RABGAP1L: variants seen among roughly 807,000 people sequenced by gnomAD.
The protein encoded by RABGAP1L is rab GTPase-activating protein 1-like.
A neutral mutation model predicts 137.7 loss-of-function variants in RABGAP1L; 63 were observed. That is an observed-to-expected ratio of 0.46 (90% CI 0.37 to 0.56). The LOEUF (loss-of-function observed/expected upper bound fraction) is 0.56, where lower values mean the gene tolerates loss of function less well. Among genes scored for constraint, RABGAP1L ranks in the 20% least tolerant of loss-of-function variants. The pLI, the probability that RABGAP1L is intolerant of heterozygous loss-of-function variation, is 0.00. For missense variants in RABGAP1L, 1,095 were observed against 1,244.0 expected, an observed-to-expected ratio of 0.88 and a Z score of 1.80; for synonymous variants, 431 against 433.7, an observed-to-expected ratio of 0.99 and a Z score of 0.08.
intron 1 of RABGAP1L, among the ~76,000 whole-genome samples, chr1:174,215,412 G>A (rs1438026943): frequency 1.3e-5 from 2 of 150,760 alleles, no homozygotes; most frequent in Non-Finnish European, 2.9e-5. Flanking sequence ...AGCCAATGTT[G>A]CGCCATTATA....
In RABGAP1L at chr1:174,357,787, C is replaced by G. The variant is rs555104025; in HGVS notation, c.1466-13192C>G. 5.3e-5 allele frequency among the ~76,000 whole-genome samples: 8 copies of G among 152,320 alleles called. 1 individual carries two copies. In the South Asian group the frequency reaches 1.7e-3, roughly 32 times the overall value. On this transcript the variant is annotated intron_variant, in intron 11 of 25. Transcript: ENST00000681986. ...GTAAAGAAAAGTATACATTTAATGT[C>G]TCCACTTTCCTCTCATGTATTCCTC...
At chr1:174,701,105 T>G (rs1679612152) in intron 16 of RABGAP1L, 5 of 1,304,702 alleles carry the variant, frequency 3.8e-6, no homozygotes, top group Non-Finnish European at 5.1e-6. Flanking sequence ...GTGGTCTATT[T>G]AGGAAAACAA....
At chr1:174,267,700 TAA>T (rs971789297) in intron 7 of RABGAP1L, among the ~76,000 whole-genome samples, 12 of 152,252 alleles carry the variant, frequency 7.9e-5, no homozygotes, top group Non-Finnish European at 1.6e-4. Context: ...ATATTCTTGA[TAA>T]GTTTTTTTAA....
intron 17 of RABGAP1L, among the ~76,000 whole-genome samples, chr1:174,720,388 C>T (rs1285536269): frequency 6.6e-6 from 1 of 151,716 alleles, no homozygotes; most frequent in Non-Finnish European, 1.5e-5. Flanking sequence ...ACTGCAACCT[C>T]TGCCTACCTC....
intron 18 of RABGAP1L, among the ~76,000 whole-genome samples, chr1:174,781,375 G>A (rs1312687924): frequency 2.6e-5 from 4 of 152,306 alleles, no homozygotes; most frequent in African/African-American, 9.6e-5. Flanking sequence ...CTTCTTTTGA[G>A]AAGTGTCTCT....
chr1:174,773,023 C>T (rs115456057), intron 18 of RABGAP1L, among the ~76,000 whole-genome samples: 1,639 of 152,164 alleles, frequency 0.011, 33 homozygotes, highest in African/African-American at 0.038. Context: ...TCAATATGCT[C>T]ATTTTACAGA....
chr1:174,835,003 G>A (rs1391573763), intron 19 of RABGAP1L, among the ~76,000 whole-genome samples: 1 of 152,178 alleles, frequency 6.6e-6, no homozygotes, highest in African/African-American at 2.4e-5. Context: ...AACTGTAGCA[G>A]TATTCCAGGT....
At chr1:174,848,927 G>A (rs1247575034) in intron 19 of RABGAP1L, among the ~76,000 whole-genome samples, 4 of 150,802 alleles carry the variant, frequency 2.7e-5, no homozygotes, top group Non-Finnish European at 4.5e-5. Flanking sequence ...ATATAGTCTC[G>A]TGGTGCGCCG....
intron 1 of RABGAP1L, 88 bp from the exon 2 acceptor site, chr1:174,219,037 A>G (rs1371902584): frequency 9.5e-7 from 1 of 1,053,508 alleles, no homozygotes. Flanking sequence ...CACATAAACC[A>G]TTTTTAAAGC....
chr1:174,731,380 A>AT, intron 17 of RABGAP1L, among the ~76,000 whole-genome samples: 1 of 152,336 alleles, frequency 6.6e-6, no homozygotes, highest in East Asian at 1.9e-4. Flanking sequence ...TTGCACTATC[A>AT]TCCTGTCTGG....
At chr1:174,240,938 TTGTGTGTG>T (rs71958106) in intron 4 of RABGAP1L, among the ~76,000 whole-genome samples, 5 of 150,566 alleles carry the variant, frequency 3.3e-5, no homozygotes, top group East Asian at 1.9e-4. Context: ...ATGTGTGTGT[TTGTGTGTG>T]TGTGTGTGTG....
At chr1:174,859,754 G>C (rs1377584142) in intron 19 of RABGAP1L, among the ~76,000 whole-genome samples, 3 of 151,800 alleles carry the variant, frequency 2.0e-5, no homozygotes, top group African/African-American at 7.3e-5. Context: ...TTAATACCTG[G>C]GTGATGAAAT....
chr1:174,933,190 C>T (rs538529315), intron 19 of RABGAP1L, among the ~76,000 whole-genome samples: 79 of 152,198 alleles, frequency 5.2e-4, no homozygotes, highest in Middle Eastern at 3.4e-3. Flanking sequence ...TTCTTCAACC[C>T]CACAGAGCTC....
chr1:174,474,079 A>G (rs552624022), intron 13 of RABGAP1L, among the ~76,000 whole-genome samples: 1 of 152,108 alleles, frequency 6.6e-6, no homozygotes, highest in African/African-American at 2.4e-5. Flanking sequence ...ACCTCAGTCT[A>G]TTTTTTAAAA....
intron 20 of RABGAP1L, among the ~76,000 whole-genome samples, chr1:174,967,109 T>C (rs1355567384): frequency 1.3e-5 from 2 of 151,946 alleles, no homozygotes; most frequent in Non-Finnish European, 2.9e-5. Flanking sequence ...TTGGGGTTTT[T>C]TTCCCCCCTA....
chr1:174,241,735 A>C, intron 5 of RABGAP1L, 78 bp downstream of exon 5: 2 of 1,159,376 alleles, frequency 1.7e-6, no homozygotes, highest in Non-Finnish European at 2.4e-6. Context: ...TCACTGTTGT[A>C]TAAATATGTT....
chr1:174,530,833 A>G (rs1292985948), intron 13 of RABGAP1L, among the ~76,000 whole-genome samples: 4 of 112,952 alleles, frequency 3.5e-5, no homozygotes, highest in African/African-American at 3.4e-4. Context: ...ATACATACAT[A>G]CATACGTACG....
intron 11 of RABGAP1L, among the ~76,000 whole-genome samples, chr1:174,356,799 T>C (rs1683677065): frequency 6.6e-6 from 1 of 152,160 alleles, no homozygotes; most frequent in South Asian, 2.1e-4. Flanking sequence ...TTTGAAGTGA[T>C]AGGCATAAAA....
chr1:174,735,196 C>T (rs954879196), intron 17 of RABGAP1L, among the ~76,000 whole-genome samples: 12 of 151,728 alleles, frequency 7.9e-5, no homozygotes, highest in Middle Eastern at 3.4e-3. Flanking sequence ...AGACTGGTCT[C>T]GAAATCTGAG....
Sources: gnomAD v4.1 joint callset for allele counts (sites outside exome capture counted in the v4.1 genomes callset) on GRCh38, gnomAD v4.1.1 for gene constraint, MANE v1.5 for transcripts, NCBI Gene and HGNC (gene_info 2026-07-23, HGNC 2026-07-21) for gene names.